The following EXD3 variants were observed in gnomAD, a reference collection of about 807,000 sequenced individuals.
EXD3 encodes the protein exonuclease mut-7 homolog.
In EXD3, 92 loss-of-function variants were observed where a neutral mutation model predicts 98.0. The observed-to-expected ratio is 0.94, with a 90% CI of 0.79 to 1.12. The LOEUF is 1.12. EXD3 is among the 50% of genes most tolerant of loss of function. The pLI, the probability that EXD3 is intolerant of heterozygous loss-of-function variation, is 0.00. For synonymous variants in EXD3, 569 were observed against 526.0 expected, an observed-to-expected ratio of 1.08 and a Z score of -1.12; for missense variants, 1,222 against 1,191.6, an observed-to-expected ratio of 1.03 and a Z score of -0.38.
At chr9:137,391,825 A>G (rs1269602654) in intron 2 of EXD3, 1 of 151,808 alleles carries the variant, frequency 6.6e-6, no homozygotes, top group East Asian at 1.9e-4. Context: ...GAAGTTTTTT[A>G]TTTTTTTTGA....
intron 17 of EXD3, among the ~76,000 whole-genome samples, chr9:137,328,651 ACT>A (rs1832664722): frequency 2.0e-5 from 1 of 50,352 alleles, no homozygotes; most frequent in Non-Finnish European, 3.3e-5. Context: ...GCTACACGGG[ACT>A]ACACGGGACT....
At chr9:137,369,240 T>C (rs1427606496) in intron 5 of EXD3, among the ~76,000 whole-genome samples, 1 of 151,632 alleles carries the variant, frequency 6.6e-6, no homozygotes, top group Non-Finnish European at 1.5e-5. Context: ...GAGGTGGGCT[T>C]ACGGCTGTGA....
intron 17 of EXD3, among the ~76,000 whole-genome samples, chr9:137,326,275 G>T (rs1479199700): frequency 2.0e-5 from 3 of 152,184 alleles, no homozygotes; most frequent in Admixed American, 6.5e-5. Context: ...GGAGACGTCG[G>T]TATTTGCAAA....
At chr9:137,417,579 C>T (rs1408451871) in intron 1 of EXD3, among the ~76,000 whole-genome samples, 8 of 152,222 alleles carry the variant, frequency 5.3e-5, no homozygotes, top group Non-Finnish European at 8.8e-5. Flanking sequence ...GGACCAGCAA[C>T]GCGCGTCCGC....
chr9:137,362,521 T>G (rs1395942569), intron 7 of EXD3, among the ~76,000 whole-genome samples: 1 of 151,312 alleles, frequency 6.6e-6, no homozygotes, highest in Non-Finnish European at 1.5e-5. Context: ...TTTTTTTTTT[T>G]GATAGAGTCT....
At chr9:137,366,260 A>T (rs1835249236) in intron 7 of EXD3, 1 of 711,782 alleles carries the variant, frequency 1.4e-6, no homozygotes. Context: ...CGTTCTTCTA[A>T]GAGCAGTTAA....
intron 3 of EXD3, among the ~76,000 whole-genome samples, chr9:137,378,811 C>T (rs547542930): frequency 5.3e-5 from 8 of 152,118 alleles, no homozygotes; most frequent in Non-Finnish European, 8.8e-5. Context: ...AGGCAGAAAG[C>T]GGGTGAGCAG....
At chr9:137,388,154 G>C (rs756808398) in intron 2 of EXD3, among the ~76,000 whole-genome samples, 53 of 152,146 alleles carry the variant, frequency 3.5e-4, no homozygotes, top group Non-Finnish European at 6.6e-4. Context: ...TCTCTGGGGG[G>C]CTGAATCATG....
intron 8 of EXD3, among the ~76,000 whole-genome samples, chr9:137,355,563 G>GGAGAAAGGAGGAA (rs1564508527): frequency 2.5e-4 from 1 of 4,050 alleles, no homozygotes; most frequent in Non-Finnish European, 5.4e-4. Context: ...GAAGGAGGAA[G>GGAGAAAGGAGGAA]GGAGGATGGA....
At chr9:137,370,275 A>C (rs554929787) in intron 5 of EXD3, among the ~76,000 whole-genome samples, 1 of 152,160 alleles carries the variant, frequency 6.6e-6, no homozygotes, top group Non-Finnish European at 1.5e-5. Flanking sequence ...CTTCCCTGAG[A>C]GGACGGTGTA....
chr9:137,342,916 T>C (rs1833721848), intron 17 of EXD3, among the ~76,000 whole-genome samples: 3 of 152,170 alleles, frequency 2.0e-5, no homozygotes, highest in South Asian at 2.1e-4. Context: ...GGTCGGGAGA[T>C]CGAGACCATC....
At chr9:137,386,727 G>A (rs1017292102) in intron 2 of EXD3, among the ~76,000 whole-genome samples, 6 of 151,798 alleles carry the variant, frequency 4.0e-5, no homozygotes, top group South Asian at 2.1e-4. Flanking sequence ...GCTGCTTCTC[G>A]AGCACCCAGC....
chr9:137,309,255 G>A (rs1364227052), intron 20 of EXD3, among the ~76,000 whole-genome samples: 1 of 152,194 alleles, frequency 6.6e-6, no homozygotes, highest in Non-Finnish European at 1.5e-5. Context: ...AGCTAGTGCT[G>A]TGTGCAGGTG....
rs745784222 is a variant in EXD3, at chr9:137,372,926, G to C, written c.441C>G (p.His147Gln). The C allele has an allele frequency of 1.3e-6, 2 of 1,599,950 alleles. No homozygotes were observed. Among genetic ancestry groups the C allele is most frequent in the Non-Finnish European group, 1.7e-6 (2 of 1,179,688 alleles). ...TCACTTCTCTGAACCTGCCCTCGTG[G>C]TGGAGGCGGTGGACGTGTGCCAGCA... ...SCLLAHVHRLHHEGRFREAAT... is the reference protein window; with the variant it reads ...SCLLAHVHRLQHEGRFREAAT... Residue 147 changes from histidine to glutamine, a missense_variant, in exon 5 of 22, where the codon CAC becomes CAG. His to Gln is a conservative substitution (Grantham distance 24). Transcript: ENST00000340951.
chr9:137,423,032 C>T (rs2131860342), intron 1 of EXD3, 82 bp downstream of exon 1: 1 of 152,084 alleles, frequency 6.6e-6, no homozygotes, highest in East Asian at 1.9e-4. Flanking sequence ...GCCCTCACCT[C>T]AGGACGCGCA....
At chr9:137,355,477 A>ACGG (rs1564508146) in intron 8 of EXD3, among the ~76,000 whole-genome samples, 5 of 126,374 alleles carry the variant, frequency 4.0e-5, no homozygotes, top group Non-Finnish European at 8.2e-5. Flanking sequence ...AGGAAGGAGG[A>ACGG]AGGAGGAAGG....
chr9:137,353,758 C>T (rs994839013), intron 10 of EXD3: 7 of 985,522 alleles, frequency 7.1e-6, no homozygotes, highest in South Asian at 4.7e-5. Context: ...GAGTGTCAGG[C>T]GGGAAGGGAG....
chr9:137,422,635 T>G (rs1838588432), intron 1 of EXD3, among the ~76,000 whole-genome samples: 1 of 152,118 alleles, frequency 6.6e-6, no homozygotes, highest in African/African-American at 2.4e-5. Flanking sequence ...TCTGACCCTT[T>G]TAATTATTTT....
intron 1 of EXD3, among the ~76,000 whole-genome samples, chr9:137,415,106 T>C (rs547724441): frequency 2.0e-5 from 3 of 152,274 alleles, no homozygotes; most frequent in South Asian, 4.2e-4. Flanking sequence ...CAGGATGGTC[T>C]TGAACTCCTG....
Sources: allele counts gnomAD v4.1 joint callset (sites outside exome capture counted in the v4.1 genomes callset), GRCh38; gene constraint gnomAD v4.1.1; transcripts MANE v1.5; gene names NCBI Gene and HGNC (gene_info 2026-07-23, HGNC 2026-07-21).